COL27A1: variants seen among roughly 807,000 people sequenced by gnomAD.
COL27A1 encodes the protein collagen type XXVII alpha 1 chain, also known as collagen alpha-1(XXVII) chain.
In COL27A1, 106 loss-of-function variants were observed where a neutral mutation model predicts 251.3. The ratio of observed to expected loss-of-function variants is 0.42; its 90% CI spans 0.36 to 0.50. The LOEUF (loss-of-function observed/expected upper bound fraction) is 0.50, where lower values mean the gene tolerates loss of function less well. Among genes scored for constraint, COL27A1 ranks in the 20% least tolerant of loss-of-function variants. The pLI is 0.00. For missense variants in COL27A1, 2,325 were observed against 2,522.8 expected, an observed-to-expected ratio of 0.92 and a Z score of 1.68; for synonymous variants, 1,000 against 986.3, an observed-to-expected ratio of 1.01 and a Z score of -0.26.
chr9:114,291,805 G>A (rs113905541), intron 48 of COL27A1, among the ~76,000 whole-genome samples: 2,455 of 152,202 alleles, frequency 0.016, 42 homozygotes, highest in Non-Finnish European at 0.02. Flanking sequence ...TGTGAGCTGA[G>A]GTTTGAAGGA....
At chr9:114,255,966 G>A (rs16927636) in intron 27 of COL27A1, among the ~76,000 whole-genome samples, 14,015 of 152,182 alleles carry the variant, frequency 0.092, 1,333 homozygotes, top group African/African-American at 0.24. Flanking sequence ...GATTGTCATC[G>A]GAAATGGTGC....
intron 12 of COL27A1, among the ~76,000 whole-genome samples, chr9:114,216,924 G>A (rs777308601): frequency 3.9e-5 from 6 of 152,138 alleles, no homozygotes; most frequent in Non-Finnish European, 8.8e-5. Flanking sequence ...TAGTTCATCT[G>A]TTCATTCAGT....
Position 114,301,577 on chromosome 9 carries a change from G to A in COL27A1, c.4810-105G>A, listed in dbSNP as rs114595977. On this transcript the variant is annotated intron_variant, in intron 54 of 60. Transcript: ENST00000356083. The stretch of plus-strand genomic sequence containing the variant: ...CCTCCGTCATCCCGTCTGTGCCAGA[G>A]GAACCATTGTCCCTGGGTCCCAGGT... The A allele has an allele frequency of 1.5e-3, 2,246 of 1,532,610 alleles. 26 individuals are homozygous for A. The African/African-American group carries it at 0.027, about 19-fold the overall frequency. The allele number at this position is 1,532,610 out of a possible 1,614,324, so 94.9% of individuals were successfully genotyped here.
rs934365269 is a variant in COL27A1 at position 114,224,056 on chromosome 9, T to C, written c.2466+1789T>C. On this transcript the variant is annotated intron_variant, in intron 14 of 60. Transcript: ENST00000356083. Reference sequence around the variant, plus strand: ...TCTGCCTTGGCTGGGGTTGAGGAAGTGTCAACACATGAGTCATAAATTTGT... The same window carrying C: ...TCTGCCTTGGCTGGGGTTGAGGAAGCGTCAACACATGAGTCATAAATTTGT... Among the ~76,000 whole-genome samples, 8 of 151,204 alleles carry C rather than the reference T, an allele frequency of 5.3e-5. No homozygotes were observed. The Admixed American group carries it at 5.3e-4, about 10-fold the overall frequency.
In COL27A1 at chr9:114,284,550, C is replaced by T. The variant is rs543243726; in HGVS notation, c.3934-174C>T. Among the ~76,000 whole-genome samples, 92 of 152,298 alleles carry T rather than the reference C, an allele frequency of 6.0e-4. No homozygotes were observed. In the Middle Eastern group the frequency reaches 0.01, roughly 17 times the overall value. The stretch of plus-strand genomic sequence containing the variant: ...CTTTGGGGTGTGTCTGGGACCAGCA[C>T]GGCACATCTGGAAGGCCAGGGCCCA... On this transcript the variant is annotated intron_variant, in intron 40 of 60. Coordinates refer to ENST00000356083, the MANE Select transcript of COL27A1 (RefSeq NM_032888.4).
At chr9:114,238,234 C>T (rs1832527448) in intron 19 of COL27A1, among the ~76,000 whole-genome samples, 2 of 152,340 alleles carry the variant, frequency 1.3e-5, no homozygotes, top group South Asian at 4.1e-4. Flanking sequence ...AGGAGAGAGC[C>T]TCAGGGTTTC....
chr9:114,205,227 C>T, intron 8 of COL27A1, 81 bp downstream of exon 8: 2 of 1,345,968 alleles, frequency 1.5e-6, no homozygotes, highest in South Asian at 2.5e-5. Context: ...CTCCCTAGAT[C>T]CTGCTCTGTG....
chr9:114,249,718 G>T (rs925616830), intron 24 of COL27A1, among the ~76,000 whole-genome samples: 2 of 152,128 alleles, frequency 1.3e-5, no homozygotes, highest in Non-Finnish European at 1.5e-5. Flanking sequence ...TTTTACTCTG[G>T]CCAGGGTTTG....
Position 114,167,919 on chromosome 9 carries a change from C to T in COL27A1, c.364C>T (p.Arg122Cys), listed in dbSNP as rs372265305. The T allele has an allele frequency of 6.6e-5, 107 of 1,611,722 alleles. No individual in the cohort carries two copies. The African/African-American group carries it at 1.2e-3, about 18-fold the overall frequency. ...CCTCTTCGCTGTCCGCAGCCAGAAA[C>T]GCAAGCTGCAGCTGGGCCTGCAGTT... ...AFLFAVRSQK[R>C]KLQLGLQFLP... is the part of the protein sequence containing the mutation. Residue 122 changes from arginine (R) to cysteine (C), a missense_variant, in exon 3 of 61, where the codon CGC (arginine) becomes TGC (cysteine). This residue lies in a region of COL27A1 where 1,183 missense variants were observed against 1,144.1 expected (regional missense o/e 1.03). Coordinates refer to ENST00000356083, the MANE Select transcript of COL27A1 (RefSeq NM_032888.4).
intron 34 of COL27A1, among the ~76,000 whole-genome samples, chr9:114,267,787 C>T (rs1834849401): frequency 6.6e-6 from 1 of 152,186 alleles, no homozygotes; most frequent in South Asian, 2.1e-4. Flanking sequence ...TGCCTCTATG[C>T]TGGGGTGGCT....
At position 114,182,370 on chromosome 9, in the gene COL27A1, T is replaced by C. The variant is rs113892760; in HGVS notation, c.1963-652T>C. Among the ~76,000 whole-genome samples the C allele has an allele frequency of 9.8e-3, 1,477 of 151,298 alleles. 25 individuals are homozygous for C. The highest frequency in any genetic ancestry group is 0.033 in the African/African-American group (1,363 of 41,238). ...TAGCCCAGGCGACAGAGCAAGACCC[T>C]GCCTCTAAAAAAAAAAGTCCACTTG... is the stretch of plus-strand genomic sequence containing the variant. On this transcript the variant is annotated intron_variant, in intron 4 of 60. Transcript: ENST00000356083.
At chr9:114,243,031 A>G (rs1280492221) in intron 22 of COL27A1, among the ~76,000 whole-genome samples, 1 of 152,198 alleles carries the variant, frequency 6.6e-6, no homozygotes, top group African/African-American at 2.4e-5. Flanking sequence ...AGCCTCGGGA[A>G]GATGCCACTT....
At chr9:114,185,104 T>C (rs1035791975) in intron 5 of COL27A1, among the ~76,000 whole-genome samples, 3 of 152,122 alleles carry the variant, frequency 2.0e-5, no homozygotes, top group Non-Finnish European at 4.4e-5. Context: ...AGATGTGCCA[T>C]GGTAGGAGGA....
At chr9:114,299,583 G>C (rs1342249700) in intron 49 of COL27A1, among the ~76,000 whole-genome samples, 1 of 152,242 alleles carries the variant, frequency 6.6e-6, no homozygotes, top group African/African-American at 2.4e-5. Context: ...CTCTGAGCCT[G>C]TTTCCTCATC....
chr9:114,166,444 T>TATCCATCCATCCATCCATCCATCC (rs112047520), intron 2 of COL27A1, among the ~76,000 whole-genome samples: 1 of 140,858 alleles, frequency 7.1e-6, no homozygotes, highest in African/African-American at 2.8e-5. Context: ...TCCATTCATC[T>TATCCATCCATCCATCCATCCATCC]ATCCATCCAT....
chr9:114,270,106 A>G (rs1835037831), intron 35 of COL27A1, among the ~76,000 whole-genome samples: 1 of 152,212 alleles, frequency 6.6e-6, no homozygotes, highest in South Asian at 2.1e-4. Flanking sequence ...TCTGAGAAGT[A>G]GGATTCCACC....
rs762507600 is a variant in COL27A1 at position 114,289,267 on chromosome 9, C to T, written c.4178C>T (p.Pro1393Leu). The change falls in exon 45 of 61, where the codon CCG (proline) becomes CTG (leucine). Residue 1393 changes from proline (P) to leucine (L), a missense_variant. Pro to Leu is a moderately conservative substitution (Grantham distance 98). Around this residue, in one of 4 missense-constraint regions of COL27A1, gnomAD observed 662 missense variants for 795.3 expected, o/e 0.83. Coordinates refer to ENST00000356083, the MANE Select transcript of COL27A1 (RefSeq NM_032888.4). ...QPGHPGPRGW[P>L]GPKGSKGAEG... is the part of the protein sequence containing the mutation. ...GGGCATCCGGGACCCCGGGGGTGGCCGGGACCCAAAGGATCGAAAGGCGCA... is the reference window on the plus strand; with the variant it reads ...GGGCATCCGGGACCCCGGGGGTGGCTGGGACCCAAAGGATCGAAAGGCGCA... 61 of 1,594,978 alleles carry T rather than the reference C, an allele frequency of 3.8e-5. No individual in the cohort carries two copies. Among genetic ancestry groups the T allele is most frequent in the Middle Eastern group, 1.7e-4 (1 of 6,024 alleles).
Position 114,292,195 on chromosome 9 carries a change from G to T in COL27A1, c.4569G>T (p.Gly1523=). The change falls in exon 49 of 61, where the codon GGG becomes GGT. Residue 1523 remains glycine, a synonymous_variant. Coordinates refer to ENST00000356083, the MANE Select transcript of COL27A1 (RefSeq NM_032888.4). ...TGLPGNQGEP[G]SKGQPGDSGE... is the part of the protein sequence containing the mutation. ...TCCCTGGAAACCAGGGGGAGCCTGG[G>T]TCCAAAGGCCAGCCGGTGAGTGAGC... The T allele has an allele frequency of 6.4e-7, 1 of 1,555,314 alleles. No individual in the cohort carries two copies. Among genetic ancestry groups the T allele is most frequent in the East Asian group, 2.4e-5 (1 of 41,266 alleles).
chr9:114,169,512 T>TG lies in COL27A1; in HGVS notation c.1908+53dup, dbSNP rs777116889. On this transcript the variant is annotated intron_variant, in intron 3 of 60. Transcript: ENST00000356083. ...GCTGCTTGGAGCTCCAGTGGGGGAC[T>TG]GGGGCATTGGTCAAGTGGTTGCCCC... The TG allele has an allele frequency of 4.3e-6, 6 of 1,411,692 alleles. No homozygotes were observed. The East Asian group carries it at 1.4e-4, about 32-fold the overall frequency. The allele number at this position is 1,411,692 out of a possible 1,614,324, so 87.4% of individuals were successfully genotyped here.
Sources: gnomAD v4.1 joint callset for allele counts (sites outside exome capture counted in the v4.1 genomes callset) on GRCh38, gnomAD v4.1.1 for gene constraint, gnomAD v4.1.1 regional missense constraint, MANE v1.5 for transcripts, NCBI Gene and HGNC (gene_info 2026-07-23, HGNC 2026-07-21) for gene names.